ADAMTS19: variants seen among roughly 807,000 people sequenced by gnomAD.
The protein encoded by ADAMTS19 is A disintegrin and metalloproteinase with thrombospondin motifs 19.
ADAMTS19 carries 93 observed loss-of-function variants against 153.3 expected under a neutral mutation model. The observed-to-expected ratio is 0.61, with a 90% CI of 0.51 to 0.72. The LOEUF is 0.72. ADAMTS19 is among the 30% of genes least tolerant of loss of function. ADAMTS19 has a pLI of 0.00. For missense variants in ADAMTS19, 1,482 were observed against 1,552.1 expected, an observed-to-expected ratio of 0.95 and a Z score of 0.76; for synonymous variants, 600 against 556.6, an observed-to-expected ratio of 1.08 and a Z score of -1.10.
intron 10 of ADAMTS19, among the ~76,000 whole-genome samples, chr5:129,628,455 TA>T (rs1752151382): frequency 6.7e-6 from 1 of 149,848 alleles, no homozygotes; most frequent in Admixed American, 6.6e-5. Flanking sequence ...AACTTAAAAT[TA>T]AAGTATAAAA....
intron 6 of ADAMTS19, among the ~76,000 whole-genome samples, chr5:129,547,956 A>C (rs1420204050): frequency 6.6e-6 from 1 of 150,986 alleles, no homozygotes; most frequent in Non-Finnish European, 1.5e-5. Flanking sequence ...TGGTGCTGGG[A>C]AAACTGGCTA....
At chr5:129,528,853 A>T (rs1014578827) in intron 6 of ADAMTS19, among the ~76,000 whole-genome samples, 176 bp downstream of exon 6, 1 of 152,060 alleles carries the variant, frequency 6.6e-6, no homozygotes, top group Admixed American at 6.6e-5. Flanking sequence ...TAAACAGCTA[A>T]ATATTGGATG....
At chr5:129,722,501 T>TGTTA (rs781509490) in intron 21 of ADAMTS19, among the ~76,000 whole-genome samples, 1 of 147,152 alleles carries the variant, frequency 6.8e-6, no homozygotes, top group Non-Finnish European at 1.5e-5. Flanking sequence ...ATTAGACCTT[T>TGTTA]GTTAGATAGG....
intron 4 of ADAMTS19, among the ~76,000 whole-genome samples, chr5:129,526,952 T>G (rs960550990): frequency 6.6e-6 from 1 of 151,914 alleles, no homozygotes; most frequent in Non-Finnish European, 1.5e-5. Context: ...CATAGGTTAA[T>G]TATGATGCGA....
In ADAMTS19 at chr5:129,491,859, T is replaced by TA. The variant is rs58435139; in HGVS notation, c.748-17211dup. On this transcript the variant is annotated intron_variant, in intron 2 of 22. Transcript: ENST00000274487. The stretch of plus-strand genomic sequence containing the variant: ...TAGATTATGTTACTTAATTATTATT[T>TA]AAAAAAACTCACAATATTTGCATTT... Among the ~76,000 whole-genome samples, 441 of 152,260 alleles carry TA rather than the reference T, an allele frequency of 2.9e-3. 3 individuals carry two copies. Among genetic ancestry groups the TA allele is most frequent in the African/African-American group, 9.9e-3 (412 of 41,566 alleles).
intron 10 of ADAMTS19, among the ~76,000 whole-genome samples, chr5:129,632,226 C>T (rs1270681365): frequency 6.6e-6 from 1 of 152,008 alleles, no homozygotes; most frequent in African/African-American, 2.4e-5. Flanking sequence ...AATATAAACT[C>T]TCTATTTTTC....
At chr5:129,608,573 TAAG>T (rs1751041350) in intron 8 of ADAMTS19, among the ~76,000 whole-genome samples, 1 of 152,072 alleles carries the variant, frequency 6.6e-6, no homozygotes, top group Admixed American at 6.6e-5. Context: ...ATATCTGCTC[TAAG>T]AAGAGAGGAT....
At chr5:129,556,819 G>A (rs918314314) in intron 7 of ADAMTS19, among the ~76,000 whole-genome samples, 2 of 152,114 alleles carry the variant, frequency 1.3e-5, no homozygotes, top group African/African-American at 4.8e-5. Flanking sequence ...GCAAAAACAA[G>A]GAAATAGAAT....
At chr5:129,624,603 G>A (rs1751939310) in intron 10 of ADAMTS19, among the ~76,000 whole-genome samples, 1 of 152,072 alleles carries the variant, frequency 6.6e-6, no homozygotes. Flanking sequence ...CATCCAAAAT[G>A]TTCATATTTT....
At chr5:129,543,040 G>GTTTTTTTT (rs201935631) in intron 6 of ADAMTS19, among the ~76,000 whole-genome samples, 1 of 144,830 alleles carries the variant, frequency 6.9e-6, no homozygotes, top group Non-Finnish European at 1.5e-5. Flanking sequence ...TGTTGTTGTT[G>GTTTTTTTT]TTGTTTTGTT....
chr5:129,585,710 A>G (rs984323376), intron 7 of ADAMTS19, among the ~76,000 whole-genome samples: 5 of 152,202 alleles, frequency 3.3e-5, no homozygotes, highest in African/African-American at 9.6e-5. Context: ...ATAGGAAAAC[A>G]TTCTTATGGT....
At chr5:129,730,710 G>A (rs761810963) in intron 21 of ADAMTS19, among the ~76,000 whole-genome samples, 61 of 152,162 alleles carry the variant, frequency 4.0e-4, no homozygotes, top group Admixed American at 7.2e-4. Flanking sequence ...TACTAAAAAT[G>A]CAGATTCCCA....
At chr5:129,735,435 G>A (rs554417048) in intron 22 of ADAMTS19, among the ~76,000 whole-genome samples, 6 of 152,060 alleles carry the variant, frequency 3.9e-5, no homozygotes, top group African/African-American at 1.2e-4. Context: ...GTTAATATCT[G>A]TGGAAAGATG....
intron 10 of ADAMTS19, among the ~76,000 whole-genome samples, chr5:129,622,772 C>A (rs1751839755): frequency 2.0e-5 from 3 of 152,180 alleles, no homozygotes; most frequent in Admixed American, 2.0e-4. Flanking sequence ...TGCATATAAC[C>A]TACCCACATC....
At chr5:129,527,679 A>T in intron 4 of ADAMTS19, 69 bp from the exon 5 acceptor site, 17 of 563,796 alleles carry the variant, frequency 3.0e-5, no homozygotes, top group East Asian at 9.3e-5. Flanking sequence ...ATCTCCATGT[A>T]TGGGCCTTGA....
Position 129,500,888 on chromosome 5 carries a change from T to C in ADAMTS19, c.748-8189T>C, listed in dbSNP as rs531895058. Among the ~76,000 whole-genome samples, 4 of 152,242 alleles carry C rather than the reference T, an allele frequency of 2.6e-5. No individual in the cohort carries two copies. In the East Asian group the frequency reaches 7.7e-4, roughly 29 times the overall value. ...TAGAGGATAAACTATTATTTGGCAA[T>C]TAAAAAACACACAAAGATCGCATAA... On this transcript the variant is annotated intron_variant, in intron 2 of 22. Transcript: ENST00000274487.
chr5:129,522,537 G>A (rs915639705), intron 3 of ADAMTS19, among the ~76,000 whole-genome samples: 1 of 151,296 alleles, frequency 6.6e-6, no homozygotes, highest in Non-Finnish European at 1.5e-5. Context: ...CAACACTTCA[G>A]TTAACTTTGT....
chr5:129,706,786 A>T (rs1488445221), intron 21 of ADAMTS19, among the ~76,000 whole-genome samples: 1 of 152,174 alleles, frequency 6.6e-6, no homozygotes, highest in Non-Finnish European at 1.5e-5. Flanking sequence ...AAACGTGCCT[A>T]CTGTGTGGCC....
intron 20 of ADAMTS19, 104 bp downstream of exon 20, chr5:129,701,696 C>A: frequency 8.1e-7 from 1 of 1,230,214 alleles, no homozygotes; most frequent in Non-Finnish European, 1.1e-6. Flanking sequence ...TGATATTTTT[C>A]TATACTATTT....
Sources: allele counts gnomAD v4.1 joint callset (sites outside exome capture counted in the v4.1 genomes callset), GRCh38; gene constraint gnomAD v4.1.1; transcripts MANE v1.5; gene names NCBI Gene and HGNC (gene_info 2026-07-23, HGNC 2026-07-21).